KIF16B: variants seen among roughly 807,000 people sequenced by gnomAD.
The protein encoded by KIF16B is kinesin family member 16B.
KIF16B carries 98 observed loss-of-function variants against 156.3 expected under a neutral mutation model. That is an observed-to-expected ratio of 0.63 (90% CI 0.53 to 0.74). KIF16B has a LOEUF of 0.74. Among genes scored for constraint, KIF16B ranks in the 30% least tolerant of loss-of-function variants. The pLI, the probability that KIF16B is intolerant of heterozygous loss-of-function variation, is 0.00. For missense variants in KIF16B, 1,421 were observed against 1,606.5 expected (o/e 0.88, Z 1.97); for synonymous variants, 564 against 583.7 (o/e 0.97, Z 0.49).
At chr20:16,412,100 A>G (rs2065972463) in intron 15 of KIF16B, among the ~76,000 whole-genome samples, 1 of 152,002 alleles carries the variant, frequency 6.6e-6, no homozygotes, top group African/African-American at 2.4e-5. Context: ...CAAGTAGAAG[A>G]AAATAAACTT....
At chr20:16,517,498 A>G (rs2069180793) in intron 3 of KIF16B, among the ~76,000 whole-genome samples, 1 of 152,214 alleles carries the variant, frequency 6.6e-6, no homozygotes, top group Non-Finnish European at 1.5e-5. Flanking sequence ...TTGATGAGGA[A>G]GCTGAATGGG....
chr20:16,410,698 C>T (rs1225291101), intron 15 of KIF16B, among the ~76,000 whole-genome samples: 1 of 152,092 alleles, frequency 6.6e-6, no homozygotes, highest in African/African-American at 2.4e-5. Flanking sequence ...ACCATCATTC[C>T]TGATTCTGAA....
intron 12 of KIF16B, among the ~76,000 whole-genome samples, chr20:16,432,956 C>T (rs6043940): frequency 1.3e-5 from 2 of 152,092 alleles, no homozygotes; most frequent in Non-Finnish European, 2.9e-5. Flanking sequence ...GCTTTGAGGT[C>T]GGAGACTTCA....
intron 17 of KIF16B, among the ~76,000 whole-genome samples, chr20:16,399,551 G>C (rs1027159329): frequency 6.6e-6 from 1 of 152,174 alleles, no homozygotes; most frequent in African/African-American, 2.4e-5. Context: ...TTATTCAACA[G>C]GGGGATTTGC....
intron 1 of KIF16B, among the ~76,000 whole-genome samples, chr20:16,541,107 C>G (rs564444910): frequency 6.6e-6 from 1 of 152,168 alleles, no homozygotes; most frequent in Admixed American, 6.5e-5. Context: ...GTCTCCTCCC[C>G]GAAACCATGT....
intron 25 of KIF16B, among the ~76,000 whole-genome samples, chr20:16,280,841 CGT>C (rs1555833614): frequency 0.088 from 6,570 of 74,298 alleles, 191 homozygotes; most frequent in South Asian, 0.13. Context: ...TGCGCGCGCA[CGT>C]GTGTGTGTGT....
chr20:16,442,334 A>ATG (rs148957905), intron 12 of KIF16B, among the ~76,000 whole-genome samples: 20 of 145,180 alleles, frequency 1.4e-4, no homozygotes, highest in Admixed American at 7.0e-4. Flanking sequence ...CCATTTCACA[A>ATG]TGTGTGTGTG....
At chr20:16,502,275 GA>G (rs1268702191) in intron 10 of KIF16B, among the ~76,000 whole-genome samples, 17 of 152,094 alleles carry the variant, frequency 1.1e-4, no homozygotes, top group African/African-American at 4.1e-4. Context: ...ACCTGGTATA[GA>G]ATATTCTAGG....
At chr20:16,413,087 T>C (rs1010500357) in intron 15 of KIF16B, among the ~76,000 whole-genome samples, 1 of 152,106 alleles carries the variant, frequency 6.6e-6, no homozygotes, top group African/African-American at 2.4e-5. Context: ...TTGTCAACCA[T>C]GAACCATTTG....
intron 15 of KIF16B, among the ~76,000 whole-genome samples, chr20:16,426,690 T>C (rs1459168371): frequency 6.6e-5 from 10 of 152,136 alleles, no homozygotes; most frequent in Non-Finnish European, 1.2e-4. Flanking sequence ...ATATTGAAGT[T>C]ATTTCAAAAC....
At chr20:16,308,875 G>A (rs568873005) in intron 25 of KIF16B, among the ~76,000 whole-genome samples, 6 of 152,326 alleles carry the variant, frequency 3.9e-5, no homozygotes, top group African/African-American at 1.2e-4. Context: ...CAGAGACTGG[G>A]TACATTCTTT....
chr20:16,569,259 C>T (rs1246419894), intron 1 of KIF16B, among the ~76,000 whole-genome samples: 2 of 152,180 alleles, frequency 1.3e-5, no homozygotes, highest in African/African-American at 4.8e-5. Flanking sequence ...AGTCCAAACA[C>T]ACTAAGAAAC....
chr20:16,519,996 T>C (rs567865968), intron 3 of KIF16B, among the ~76,000 whole-genome samples: 1 of 152,230 alleles, frequency 6.6e-6, no homozygotes, highest in South Asian at 2.1e-4. Context: ...GGCCCAAATA[T>C]TACGCTTTTC....
At chr20:16,368,675 C>T (rs2064739413) in intron 22 of KIF16B, 1 of 985,948 alleles carries the variant, frequency 1.0e-6, no homozygotes, top group Non-Finnish European at 1.2e-6. Flanking sequence ...TCCAACTCTT[C>T]CTCACCTTGC....
intron 25 of KIF16B, among the ~76,000 whole-genome samples, chr20:16,280,841 C>CGCGTGTGTGTGTGTGTGT (rs112026824): frequency 0.084 from 6,267 of 74,336 alleles, 154 homozygotes; most frequent in South Asian, 0.17. Context: ...TGCGCGCGCA[C>CGCGTGTGTGTGTGTGTGT]GTGTGTGTGT....
At position 16,490,013 on chromosome 20, in the gene KIF16B, C is replaced by CAGG. The variant is rs1044218272; in HGVS notation, c.1302+4275_1302+4277dup. On this transcript the variant is annotated intron_variant, in intron 12 of 25. Coordinates refer to ENST00000354981, the MANE Select transcript of KIF16B (RefSeq NM_024704.5). ...AACATAGCGAAGAGCATCACTGGGACAGGACCGCCGCCTGCACAACACTCC... is the reference window on the plus strand; with the variant it reads ...AACATAGCGAAGAGCATCACTGGGACAGGAGGACCGCCGCCTGCACAACACTCC... Among the ~76,000 whole-genome samples, 88 of 152,152 alleles carry CAGG rather than the reference C, an allele frequency of 5.8e-4. 1 individual carries two copies. Among genetic ancestry groups the CAGG allele is most frequent in the African/African-American group, 2.1e-3 (87 of 41,524 alleles).
chr20:16,526,401 A>C (rs948123333), intron 2 of KIF16B, among the ~76,000 whole-genome samples, 196 bp from the exon 3 acceptor site: 11 of 152,200 alleles, frequency 7.2e-5, no homozygotes, highest in Non-Finnish European at 1.2e-4. Context: ...CAAGAATACT[A>C]TTCTGACCTT....
At chr20:16,331,010 C>A (rs2122897765) in intron 24 of KIF16B, among the ~76,000 whole-genome samples, 1 of 152,318 alleles carries the variant, frequency 6.6e-6, no homozygotes, top group African/African-American at 2.4e-5. Flanking sequence ...TGGGGGGCTT[C>A]TCCAAGCCCT....
rs118067709 is a variant in KIF16B at position 16,286,944 on chromosome 20, C to T, written c.3796-13533G>A. Among the ~76,000 whole-genome samples the T allele has an allele frequency of 4.5e-4, 69 of 152,330 alleles. No individual in the cohort carries two copies. In the East Asian group the frequency reaches 0.012, roughly 26 times the overall value. On this transcript the variant is annotated intron_variant, in intron 25 of 25. Transcript: ENST00000354981. ...TTGAGAGCCCCAGCTGAGCCTAGTC[C>T]TTAGTGGAGTCATGATCAAAATGCA... is the stretch of plus-strand genomic sequence containing the variant.
Sources: gnomAD v4.1 joint callset for allele counts (sites outside exome capture counted in the v4.1 genomes callset) on GRCh38, gnomAD v4.1.1 for gene constraint, MANE v1.5 for transcripts, NCBI Gene and HGNC (gene_info 2026-07-23, HGNC 2026-07-21) for gene names.